The following RUNX2 variants were observed in gnomAD, a reference collection of about 807,000 sequenced individuals.
RUNX2 encodes runt-related transcription factor 2.
RUNX2 carries 10 observed loss-of-function variants against 51.7 expected under a neutral mutation model. The observed-to-expected ratio is 0.19, with a 90% CI of 0.12 to 0.33. The LOEUF (loss-of-function observed/expected upper bound fraction) is 0.33. RUNX2 is among the 10% of genes least tolerant of loss of function. The pLI is 1.00. For synonymous variants in RUNX2, 276 were observed against 273.6 expected (o/e 1.01, Z -0.09); for missense variants, 562 against 691.3 (o/e 0.81, Z 2.10).
At chr6:45,369,430 T>G (rs1382943210) in intron 2 of RUNX2, among the ~76,000 whole-genome samples, 2 of 152,312 alleles carry the variant, frequency 1.3e-5, no homozygotes, top group Non-Finnish European at 2.9e-5. Flanking sequence ...ATTAAATTAC[T>G]TTAGTGCATA....
chr6:45,365,823 A>T (rs1056199267), intron 2 of RUNX2, among the ~76,000 whole-genome samples: 37 of 151,914 alleles, frequency 2.4e-4, no homozygotes, highest in African/African-American at 8.5e-4. Flanking sequence ...CATAATCTAA[A>T]TCCTATTTGA....
intron 2 of RUNX2, among the ~76,000 whole-genome samples, chr6:45,404,640 A>G (rs1797794854): frequency 6.6e-6 from 1 of 152,246 alleles, no homozygotes; most frequent in African/African-American, 2.4e-5. Context: ...GCAGCATATT[A>G]GACATCAACA....
rs150617679 is a variant in RUNX2 at position 45,476,315 on chromosome 6, C to T, written c.686-15626C>T. 1.9e-3 allele frequency among the ~76,000 whole-genome samples: 285 copies of T among 152,260 alleles called. 4 individuals carry two copies. In the East Asian group the frequency reaches 0.045, roughly 24 times the overall value. ...GGATAAGTGGTCAGCTATACTGCCC[C>T]ATGAGATTCAAGGAGCCTTTGGGGA... On this transcript the variant is annotated intron_variant, in intron 5 of 8. Transcript: ENST00000647337.
intron 2 of RUNX2, among the ~76,000 whole-genome samples, chr6:45,359,283 T>A (rs2150238481): frequency 6.6e-6 from 1 of 152,298 alleles, no homozygotes; most frequent in East Asian, 1.9e-4. Flanking sequence ...AAAAAAGACT[T>A]TCCATTATGC....
intron 2 of RUNX2, among the ~76,000 whole-genome samples, chr6:45,353,710 G>A (rs1441154520): frequency 6.6e-6 from 1 of 151,726 alleles, no homozygotes; most frequent in Non-Finnish European, 1.5e-5. Context: ...TCAAGGGTAG[G>A]ACATTCTGTC....
Position 45,547,579 on chromosome 6 carries a change from A to T in RUNX2, c.*274A>T. ...CTTTTACAAAGGAACAAAGAAGGGA[A>T]AAGGTATTTTTGTTTTTGTTGTTTG... On this transcript the variant is annotated 3_prime_UTR_variant, in exon 9 of 9. Coordinates refer to ENST00000647337, the MANE Select transcript of RUNX2 (RefSeq NM_001024630.4). 4.1e-6 allele frequency: 2 copies of T among 493,110 alleles called. No individual in the cohort carries two copies. The highest frequency in any genetic ancestry group is 7.4e-6 in the Non-Finnish European group (2 of 271,814). The allele number at this position is 493,110 out of a possible 1,614,324, so 30.5% of individuals were successfully genotyped here. A position where few individuals can be genotyped will look rare whatever the true frequency, so the allele number is the denominator to read the frequency against.
At chr6:45,468,229 C>T (rs1799694734) in intron 5 of RUNX2, among the ~76,000 whole-genome samples, 1 of 152,238 alleles carries the variant, frequency 6.6e-6, no homozygotes, top group Non-Finnish European at 1.5e-5. Flanking sequence ...CTTTACTATC[C>T]TCAATGAAAT....
chr6:45,378,291 T>C (rs1044599090), intron 2 of RUNX2, among the ~76,000 whole-genome samples: 1 of 152,194 alleles, frequency 6.6e-6, no homozygotes, highest in Non-Finnish European at 1.5e-5. Flanking sequence ...CTAGGATTTT[T>C]GAAGGATTGG....
intron 6 of RUNX2, among the ~76,000 whole-genome samples, chr6:45,511,157 T>C (rs1801131414): frequency 6.6e-6 from 1 of 152,224 alleles, no homozygotes; most frequent in Non-Finnish European, 1.5e-5. Context: ...ACATACTTTT[T>C]TTGCTTTGGA....
intron 5 of RUNX2, among the ~76,000 whole-genome samples, chr6:45,461,673 T>C (rs956953476): frequency 5.3e-5 from 8 of 152,134 alleles, no homozygotes; most frequent in African/African-American, 1.7e-4. Flanking sequence ...TAAGCTCTGT[T>C]CTAAGCATGG....
At chr6:45,545,413 C>T (rs1802368384) in intron 8 of RUNX2, 131 bp downstream of exon 8, 1 of 964,584 alleles carries the variant, frequency 1.0e-6, no homozygotes, top group Non-Finnish European at 1.5e-6. Flanking sequence ...TACAAATGCA[C>T]ATCATGGCAC....
At chr6:45,430,740 GTAT>G (rs1798519835) in intron 3 of RUNX2, among the ~76,000 whole-genome samples, 1 of 152,276 alleles carries the variant, frequency 6.6e-6, no homozygotes, top group African/African-American at 2.4e-5. Flanking sequence ...GCACACAGGG[GTAT>G]TATTGTCAGA....
chr6:45,509,665 A>C (rs999811580), intron 6 of RUNX2, among the ~76,000 whole-genome samples: 1 of 152,202 alleles, frequency 6.6e-6, no homozygotes, highest in African/African-American at 2.4e-5. Flanking sequence ...CGGAGCTGGC[A>C]CGCCAACTCA....
intron 7 of RUNX2, among the ~76,000 whole-genome samples, chr6:45,528,719 C>T (rs13207392): frequency 0.36 from 55,103 of 151,976 alleles, 11,630 homozygotes; most frequent in African/African-American, 0.59. Flanking sequence ...CTGGGCAGTG[C>T]GTGGCAACAG....
At chr6:45,449,965 A>G (rs1361594114) in intron 5 of RUNX2, among the ~76,000 whole-genome samples, 1 of 152,222 alleles carries the variant, frequency 6.6e-6, no homozygotes, top group African/African-American at 2.4e-5. Flanking sequence ...TGCATCTCCC[A>G]AGATTACCAC....
At chr6:45,336,816 CCT>C (rs1241056565) in intron 2 of RUNX2, among the ~76,000 whole-genome samples, 1 of 151,468 alleles carries the variant, frequency 6.6e-6, no homozygotes, top group Non-Finnish European at 1.5e-5. Context: ...AAATTTTCTA[CCT>C]CTGTTTTAAA....
chr6:45,538,920 C>T (rs564310613), intron 7 of RUNX2, among the ~76,000 whole-genome samples: 2 of 152,210 alleles, frequency 1.3e-5, no homozygotes, highest in East Asian at 1.9e-4. Flanking sequence ...TGGGTGCTGG[C>T]CTCCTTCCTG....
At position 45,405,659 on chromosome 6, in the gene RUNX2, C is replaced by T. The variant is rs188927845; in HGVS notation, c.59-16934C>T. ...CAAAAATTAGCCGGGCGGTGGTGGG[C>T]GCCTGTAATCTCAGCTACTTGGGAG... On this transcript the variant is annotated intron_variant, in intron 2 of 8. Transcript: ENST00000647337. Among the ~76,000 whole-genome samples the T allele has an allele frequency of 5.7e-3, 860 of 152,078 alleles. 6 individuals are homozygous for T. Among genetic ancestry groups the T allele is most frequent in the Admixed American group, 0.027 (409 of 15,258 alleles).
chr6:45,418,894 C>T (rs1798119101), intron 2 of RUNX2, among the ~76,000 whole-genome samples: 1 of 152,014 alleles, frequency 6.6e-6, no homozygotes, highest in Non-Finnish European at 1.5e-5. Flanking sequence ...ATATTAGTTC[C>T]ACTGAAATGT....
Sources: gnomAD v4.1 joint callset for allele counts (sites outside exome capture counted in the v4.1 genomes callset) on GRCh38, gnomAD v4.1.1 for gene constraint, MANE v1.5 for transcripts, NCBI Gene and HGNC (gene_info 2026-07-23, HGNC 2026-07-21) for gene names.